CFAP61: variants seen among roughly 807,000 people sequenced by gnomAD.
CFAP61 encodes cilia and flagella associated protein 61.
A neutral mutation model predicts 135.6 loss-of-function variants in CFAP61; 107 were observed. The ratio of observed to expected loss-of-function variants is 0.79; its 90% CI spans 0.67 to 0.93. The LOEUF is 0.93. CFAP61 is among the 40% of genes least tolerant of loss of function. The pLI is 0.00. For synonymous variants in CFAP61, 575 were observed against 578.5 expected (o/e 0.99, Z 0.09); for missense variants, 1,507 against 1,556.2 (o/e 0.97, Z 0.53).
At chr20:20,144,607 GA>G (rs11326705) in intron 9 of CFAP61, among the ~76,000 whole-genome samples, 82,403 of 148,186 alleles carry the variant, frequency 0.56, 23,131 homozygotes, top group African/African-American at 0.64. Context: ...CGCTAGGACA[GA>G]AAAAAAAAAC....
At chr20:20,303,601 T>A (rs1274443895) in intron 25 of CFAP61, among the ~76,000 whole-genome samples, 1 of 152,156 alleles carries the variant, frequency 6.6e-6, no homozygotes, top group East Asian at 1.9e-4. Context: ...CCAGCACTCC[T>A]GCCCTGTCTG....
At chr20:20,091,560 C>T (rs1036355482) in intron 7 of CFAP61, among the ~76,000 whole-genome samples, 1 of 151,818 alleles carries the variant, frequency 6.6e-6, no homozygotes, top group African/African-American at 2.4e-5. Context: ...AAGTTGCATA[C>T]ATAATGCCCC....
At chr20:20,347,944 A>AAAAAAAAAAG (rs2058692649) in intron 26 of CFAP61, among the ~76,000 whole-genome samples, 1 of 151,222 alleles carries the variant, frequency 6.6e-6, no homozygotes, top group African/African-American at 2.4e-5. Flanking sequence ...AAAAAAAAAA[A>AAAAAAAAAAG]AAAAAAAAAT....
intron 6 of CFAP61, among the ~76,000 whole-genome samples, chr20:20,086,896 G>A (rs1052538379): frequency 1.1e-4 from 16 of 152,264 alleles, no homozygotes; most frequent in South Asian, 6.2e-4. Context: ...AAGAGTCACC[G>A]GAGGGTGTAG....
intron 13 of CFAP61, among the ~76,000 whole-genome samples, chr20:20,173,457 T>C (rs1035667686): frequency 1.3e-5 from 2 of 152,220 alleles, no homozygotes; most frequent in Non-Finnish European, 2.9e-5. Flanking sequence ...ATCAGTGTTT[T>C]GGATTTTGGC....
At chr20:20,218,456 A>G (rs1379166805) in intron 17 of CFAP61, among the ~76,000 whole-genome samples, 3 of 152,214 alleles carry the variant, frequency 2.0e-5, no homozygotes, top group African/African-American at 4.8e-5. Flanking sequence ...AGTCTCGGGT[A>G]TGTCTTTATC....
chr20:20,158,832 A>T (rs1295003380), intron 9 of CFAP61, among the ~76,000 whole-genome samples: 2 of 152,138 alleles, frequency 1.3e-5, no homozygotes, highest in Admixed American at 1.3e-4. Flanking sequence ...TGATATTTTT[A>T]TGGGTGTACA....
At position 20,164,037 on chromosome 20, in the gene CFAP61, C is replaced by T. The variant is rs752341941; in HGVS notation, c.1027-13C>T. 3.1e-6 allele frequency: 5 copies of T among 1,588,462 alleles called. No homozygotes were observed. The highest frequency in any genetic ancestry group is 4.3e-6 in the Non-Finnish European group (5 of 1,165,552). On this transcript the variant is annotated splice_polypyrimidine_tract_variant and intron_variant, in intron 10 of 26. Coordinates refer to ENST00000245957, the MANE Select transcript of CFAP61 (RefSeq NM_015585.4). ...CAGGATTCTCATTGGCTCCTCCTGT[C>T]TCCTTGCTCTAGGACATAGAAAAAC...
chr20:20,235,238 CTTACA>C (rs1380101831), intron 18 of CFAP61, among the ~76,000 whole-genome samples: 1 of 152,106 alleles, frequency 6.6e-6, no homozygotes, highest in Non-Finnish European at 1.5e-5. Flanking sequence ...TTCATAGAAA[CTTACA>C]TTAAACTCTC....
intron 25 of CFAP61, chr20:20,317,108 C>G (rs1415094944): frequency 6.6e-5 from 10 of 151,960 alleles, no homozygotes; most frequent in Admixed American, 5.9e-4. Context: ...AACTCCTGAC[C>G]TCAAGTGATC....
At chr20:20,212,420 G>A (rs1370627202) in intron 17 of CFAP61, among the ~76,000 whole-genome samples, 3 of 152,120 alleles carry the variant, frequency 2.0e-5, no homozygotes, top group South Asian at 2.1e-4. Flanking sequence ...TTCCAAGCAC[G>A]TCTACATGTC....
chr20:20,203,192 A>T (rs2056707298), intron 17 of CFAP61, among the ~76,000 whole-genome samples: 2 of 152,332 alleles, frequency 1.3e-5, no homozygotes, highest in South Asian at 4.1e-4. Context: ...AGCCTAGAAA[A>T]CATAAATGAT....
chr20:20,320,597 G>T (rs2057463887), intron 25 of CFAP61, among the ~76,000 whole-genome samples: 1 of 137,002 alleles, frequency 7.3e-6, no homozygotes, highest in Non-Finnish European at 1.5e-5. Flanking sequence ...GAAGTGTCTG[G>T]AGACATGCTT....
intron 17 of CFAP61, among the ~76,000 whole-genome samples, chr20:20,224,251 A>C (rs2146940300): frequency 6.6e-6 from 1 of 152,302 alleles, no homozygotes; most frequent in Middle Eastern, 3.4e-3. Context: ...AATTATAGGT[A>C]AAGAGGTTAA....
At chr20:20,137,179 C>T (rs571438086) in intron 8 of CFAP61, among the ~76,000 whole-genome samples, 2 of 152,328 alleles carry the variant, frequency 1.3e-5, no homozygotes, top group South Asian at 2.1e-4. Context: ...TTGTGGCCAC[C>T]ACCACTGTGA....
At chr20:20,245,761 T>C (rs2050406128) in intron 18 of CFAP61, among the ~76,000 whole-genome samples, 1 of 152,178 alleles carries the variant, frequency 6.6e-6, no homozygotes, top group South Asian at 2.1e-4. Context: ...TAAGCTGCGA[T>C]TGTTATGCTT....
chr20:20,340,758 G>A (rs915815018), intron 25 of CFAP61, among the ~76,000 whole-genome samples: 4 of 152,152 alleles, frequency 2.6e-5, no homozygotes, highest in Admixed American at 6.5e-5. Context: ...GATTTCAGCC[G>A]CTGAGGAAAG....
intron 18 of CFAP61, among the ~76,000 whole-genome samples, chr20:20,236,538 A>G (rs2049604546): frequency 6.6e-6 from 1 of 152,220 alleles, no homozygotes; most frequent in African/African-American, 2.4e-5. Flanking sequence ...TTTTTAAGTT[A>G]TTATTAACAT....
intron 26 of CFAP61, among the ~76,000 whole-genome samples, chr20:20,346,092 G>A (rs539159064): frequency 5.3e-5 from 7 of 131,792 alleles, no homozygotes; most frequent in Non-Finnish European, 8.2e-5. Flanking sequence ...TAGTAGAGAC[G>A]GGGTTTCACC....
Sources: gnomAD v4.1 joint callset for allele counts (sites outside exome capture counted in the v4.1 genomes callset) on GRCh38, gnomAD v4.1.1 for gene constraint, MANE v1.5 for transcripts, NCBI Gene and HGNC (gene_info 2026-07-23, HGNC 2026-07-21) for gene names.